CDKAL1: variants seen among roughly 807,000 people sequenced by gnomAD.
CDKAL1 encodes CDKAL1 threonylcarbamoyladenosine tRNA methylthiotransferase.
Under a neutral mutation model 68.2 loss-of-function variants are expected in CDKAL1, and 32 were observed. The ratio of observed to expected loss-of-function variants is 0.47; its 90% CI spans 0.35 to 0.63. CDKAL1 has a LOEUF of 0.63. Ranked by LOEUF, CDKAL1 falls within the 30% of genes least tolerant of loss-of-function variation. The probability of loss-of-function intolerance (pLI) is 0.00; values close to 1 mark genes in which losing one functional copy is unlikely to be tolerated. For missense variants in CDKAL1, 606 were observed against 696.7 expected (o/e 0.87, Z 1.47); for synonymous variants, 234 against 244.3 (o/e 0.96, Z 0.39).
intron 4 of CDKAL1, among the ~76,000 whole-genome samples, chr6:20,638,618 T>G (rs1462514885): frequency 2.0e-5 from 3 of 148,102 alleles, no homozygotes; most frequent in African/African-American, 7.4e-5. Context: ...AGAGATTCTT[T>G]TTTTTTTTTT....
chr6:20,566,767 A>T (rs1020501481), intron 4 of CDKAL1, among the ~76,000 whole-genome samples: 1 of 152,146 alleles, frequency 6.6e-6, no homozygotes, highest in Non-Finnish European at 1.5e-5. Context: ...AAAGATTCCC[A>T]TGGTAGGAAA....
intron 13 of CDKAL1, among the ~76,000 whole-genome samples, chr6:21,145,681 T>C (rs1163582311): frequency 2.0e-5 from 3 of 152,186 alleles, no homozygotes; most frequent in African/African-American, 7.2e-5. Context: ...AAGCAAAGTC[T>C]CTGTCTAAAA....
intron 10 of CDKAL1, among the ~76,000 whole-genome samples, chr6:20,962,653 G>C (rs533052305): frequency 6.0e-4 from 92 of 152,238 alleles, no homozygotes; most frequent in African/African-American, 2.1e-3. Context: ...AGTTCAAGCT[G>C]TGTCTTTAAA....
intron 11 of CDKAL1, among the ~76,000 whole-genome samples, chr6:21,053,018 TGTAA>T (rs932733081): frequency 1.3e-5 from 2 of 152,184 alleles, no homozygotes; most frequent in Non-Finnish European, 2.9e-5. Flanking sequence ...ATTCATTCAA[TGTAA>T]GTGTTTTGAA....
intron 8 of CDKAL1, among the ~76,000 whole-genome samples, chr6:20,810,392 T>TCACACACA (rs59104508): frequency 4.1e-4 from 47 of 115,648 alleles, no homozygotes; most frequent in African/African-American, 5.6e-4. Context: ...TCTCTCTCTG[T>TCACACACA]CACACACACA....
At chr6:21,036,115 C>T (rs940035637) in intron 11 of CDKAL1, among the ~76,000 whole-genome samples, 1 of 152,118 alleles carries the variant, frequency 6.6e-6, no homozygotes, top group African/African-American at 2.4e-5. Flanking sequence ...AATGCTTTAA[C>T]TTTGACAGCA....
chr6:20,950,610 G>A lies in CDKAL1; in HGVS notation c.743-4809G>A, dbSNP rs1315141948. The stretch of plus-strand genomic sequence containing the variant: ...GGAGAATACAGGCTGGAACTGGATG[G>A]TGGAGAAAGACTCAAGGATAAAATT... On this transcript the variant is annotated intron_variant, in intron 9 of 15. Coordinates refer to ENST00000274695, the MANE Select transcript of CDKAL1 (RefSeq NM_017774.3). 2.0e-5 allele frequency among the ~76,000 whole-genome samples: 3 copies of A among 152,120 alleles called. No individual in the cohort carries two copies. In the South Asian group the frequency reaches 6.2e-4, roughly 32 times the overall value.
At chr6:20,829,748 C>G (rs1056625637) in intron 8 of CDKAL1, among the ~76,000 whole-genome samples, 3 of 152,194 alleles carry the variant, frequency 2.0e-5, no homozygotes, top group African/African-American at 7.2e-5. Context: ...TTTGATTTCT[C>G]AGATTCACTG....
Position 20,714,378 on chromosome 6 carries a change from CTTTTTTTTTT to C in CDKAL1, c.372-25122_372-25113del, listed in dbSNP as rs545162371. 6.0e-4 allele frequency among the ~76,000 whole-genome samples: 44 copies of C among 72,740 alleles called. 1 individual carries two copies. Among genetic ancestry groups the C allele is most frequent in the African/African-American group, 1.1e-3 (23 of 20,630 alleles). The allele number at this position is 72,740 out of a possible 152,430, so 47.7% of individuals were successfully genotyped here. ...AATATTAATGATACTATTGTCTGTT[CTTTTTTTTTT>C]TTTTTTTTTTTTTTTTTTGAGACAG... On this transcript the variant is annotated intron_variant, in intron 5 of 15. Coordinates refer to ENST00000274695, the MANE Select transcript of CDKAL1 (RefSeq NM_017774.3).
intron 12 of CDKAL1, among the ~76,000 whole-genome samples, chr6:21,093,188 A>G (rs1773135005): frequency 6.6e-6 from 1 of 152,242 alleles, no homozygotes; most frequent in African/African-American, 2.4e-5. Context: ...AAGCCAGGTC[A>G]CATTCAAAGG....
chr6:20,740,385 C>T (rs954682062), intron 6 of CDKAL1, among the ~76,000 whole-genome samples: 2 of 152,088 alleles, frequency 1.3e-5, no homozygotes, highest in African/African-American at 2.4e-5. Context: ...TATTCTCTCT[C>T]TCTTGTTCTT....
chr6:20,942,995 C>T (rs1318251234), intron 9 of CDKAL1, among the ~76,000 whole-genome samples: 2 of 148,200 alleles, frequency 1.3e-5, no homozygotes, highest in East Asian at 3.9e-4. Context: ...TTTATATATA[C>T]CCACATGTTT....
At chr6:20,603,978 T>G (rs1461691285) in intron 4 of CDKAL1, among the ~76,000 whole-genome samples, 1 of 150,120 alleles carries the variant, frequency 6.7e-6, no homozygotes, top group Non-Finnish European at 1.5e-5. Flanking sequence ...ATCTTGGTGG[T>G]CAGAGACCTG....
In CDKAL1 at chr6:20,740,629, T is replaced by C. The variant is rs1773412996; in HGVS notation, c.468+1014T>C. Among the ~76,000 whole-genome samples, 9 of 152,216 alleles carry C rather than the reference T, an allele frequency of 5.9e-5. No homozygotes were observed. In the South Asian group the frequency reaches 1.9e-3, roughly 31 times the overall value. ...TAATTAATTGGCATCTGCTTTGAAC[T>C]TTATGATAGATTTTTCCTTATTTGA... On this transcript the variant is annotated intron_variant, in intron 6 of 15. Coordinates refer to ENST00000274695, the MANE Select transcript of CDKAL1 (RefSeq NM_017774.3).
At chr6:20,988,103 A>G (rs777045410) in intron 10 of CDKAL1, among the ~76,000 whole-genome samples, 15 of 151,910 alleles carry the variant, frequency 9.9e-5, no homozygotes, top group Non-Finnish European at 1.0e-4. Context: ...CATTTTAAAC[A>G]TCTCTAAACT....
chr6:20,830,002 T>C (rs1777649327), intron 8 of CDKAL1, among the ~76,000 whole-genome samples: 1 of 152,194 alleles, frequency 6.6e-6, no homozygotes, highest in Non-Finnish European at 1.5e-5. Context: ...ATTACAGGCA[T>C]GTGCCAGAAC....
intron 12 of CDKAL1, among the ~76,000 whole-genome samples, chr6:21,098,531 C>T (rs1196103799): frequency 1.5e-5 from 2 of 129,456 alleles, no homozygotes; most frequent in Non-Finnish European, 3.2e-5. Flanking sequence ...AACGGGTACA[C>T]AGCTTTTTTT....
intron 9 of CDKAL1, among the ~76,000 whole-genome samples, chr6:20,924,144 G>T (rs1475209030): frequency 6.6e-6 from 1 of 151,436 alleles, no homozygotes; most frequent in African/African-American, 2.4e-5. Context: ...CTACTCCAGT[G>T]AACACACAAA....
intron 4 of CDKAL1, among the ~76,000 whole-genome samples, chr6:20,623,884 G>T (rs181243396): frequency 3.1e-4 from 47 of 152,184 alleles, no homozygotes; most frequent in African/African-American, 1.1e-3. Context: ...GTAAAGTGGG[G>T]CTAATCATGT....
Sources: gnomAD v4.1 joint callset for allele counts (sites outside exome capture counted in the v4.1 genomes callset) on GRCh38, gnomAD v4.1.1 for gene constraint, MANE v1.5 for transcripts, NCBI Gene and HGNC (gene_info 2026-07-23, HGNC 2026-07-21) for gene names.